Variants in KCNH1 observed in about 807,000 individuals in gnomAD.
KCNH1 encodes voltage-gated delayed rectifier potassium channel KCNH1.
KCNH1 carries 27 observed loss-of-function variants against 69.2 expected under a neutral mutation model. The observed-to-expected ratio is 0.39, with a 90% CI of 0.29 to 0.54. The LOEUF is 0.54. Among genes scored for constraint, KCNH1 ranks in the 20% least tolerant of loss-of-function variants. KCNH1 has a pLI of 0.68. For synonymous variants in KCNH1, 456 were observed against 487.7 expected, an observed-to-expected ratio of 0.93 and a Z score of 0.86; for missense variants, 798 against 1,261.6, an observed-to-expected ratio of 0.63 and a Z score of 5.57.
intron 7 of KCNH1, among the ~76,000 whole-genome samples, chr1:210,811,314 C>T (rs990858629): frequency 6.6e-6 from 1 of 152,144 alleles, no homozygotes; most frequent in East Asian, 1.9e-4. Context: ...TCCTTAGCTC[C>T]ACCTTCACCT....
At chr1:210,847,506 C>T (rs1279104583) in intron 7 of KCNH1, among the ~76,000 whole-genome samples, 6 of 149,438 alleles carry the variant, frequency 4.0e-5, no homozygotes, top group Non-Finnish European at 1.5e-5. Flanking sequence ...CGCATGTTCT[C>T]ACTCATAGGT....
chr1:210,917,251 G>GAA (rs1227695037), intron 7 of KCNH1, among the ~76,000 whole-genome samples: 11 of 142,944 alleles, frequency 7.7e-5, no homozygotes, highest in Non-Finnish European at 1.4e-4. Flanking sequence ...AAGAAAGAAA[G>GAA]AAAGAAAGAA....
At chr1:210,858,264 G>T (rs1327799098) in intron 7 of KCNH1, 1 of 152,040 alleles carries the variant, frequency 6.6e-6, no homozygotes, top group African/African-American at 2.4e-5. Flanking sequence ...GTAAGGTCTG[G>T]TATTTAAATA....
intron 10 of KCNH1, among the ~76,000 whole-genome samples, chr1:210,756,947 G>A (rs556396113): frequency 6.6e-6 from 1 of 152,306 alleles, no homozygotes; most frequent in Non-Finnish European, 1.5e-5. Flanking sequence ...CTCTTCCTAG[G>A]TTCTTACTGA....
intron 10 of KCNH1, among the ~76,000 whole-genome samples, chr1:210,752,213 G>C (rs1249467640): frequency 6.6e-6 from 1 of 152,182 alleles, no homozygotes; most frequent in African/African-American, 2.4e-5. Context: ...GAAGATTTTA[G>C]AACAAGAAAA....
At chr1:210,735,421 A>AGTGTGTGT (rs71146244) in intron 10 of KCNH1, among the ~76,000 whole-genome samples, 29 of 132,098 alleles carry the variant, frequency 2.2e-4, no homozygotes, top group African/African-American at 5.2e-4. Flanking sequence ...TGAGTGAGTG[A>AGTGTGTGT]GTGTGTGTGT....
chr1:210,975,570 C>T (rs987770303), intron 6 of KCNH1, among the ~76,000 whole-genome samples: 2 of 152,136 alleles, frequency 1.3e-5, no homozygotes, highest in African/African-American at 4.8e-5. Context: ...AAACTGGATC[C>T]CTTCCTTACA....
intron 10 of KCNH1, among the ~76,000 whole-genome samples, chr1:210,709,732 GAGAGAGAGAA>G (rs1477751001): frequency 7.5e-6 from 1 of 132,842 alleles, no homozygotes; most frequent in Non-Finnish European, 1.7e-5. Context: ...AAGAGAGAGA[GAGAGAGAGAA>G]AGAGAGAGAG....
chr1:210,755,790 T>G (rs1438130180), intron 10 of KCNH1, among the ~76,000 whole-genome samples: 1 of 152,198 alleles, frequency 6.6e-6, no homozygotes, highest in Non-Finnish European at 1.5e-5. Flanking sequence ...CCCACTTTCC[T>G]AGGGCAAAAG....
chr1:210,711,064 T>G (rs1682062666), intron 10 of KCNH1, among the ~76,000 whole-genome samples: 1 of 152,204 alleles, frequency 6.6e-6, no homozygotes, highest in Non-Finnish European at 1.5e-5. Context: ...GTGAACTGGC[T>G]CTCTGGCTCC....
chr1:211,087,227 G>A (rs776541366), intron 4 of KCNH1, among the ~76,000 whole-genome samples: 1 of 152,110 alleles, frequency 6.6e-6, no homozygotes, highest in Non-Finnish European at 1.5e-5. Flanking sequence ...CTGAAGTTTT[G>A]CATTCCTTTT....
chr1:210,900,024 T>C (rs1686960575), intron 7 of KCNH1, among the ~76,000 whole-genome samples: 2 of 152,194 alleles, frequency 1.3e-5, no homozygotes, highest in South Asian at 4.1e-4. Flanking sequence ...AGTAAATGAG[T>C]ATAATTCGTT....
chr1:211,093,485 T>C (rs1487622546), intron 3 of KCNH1, among the ~76,000 whole-genome samples: 9 of 152,104 alleles, frequency 5.9e-5, no homozygotes, highest in Admixed American at 5.9e-4. Context: ...GGTGTTTCAC[T>C]ATGTTGGCCA....
chr1:211,090,152 T>C lies in KCNH1; in HGVS notation c.439+410A>G, dbSNP rs908988889. Reference sequence around the variant, plus strand: ...GATGTGCTAAAGTCCGCTTTAACAATCTTGAAGTGCCAGAATTCAGTCAAA... The same window carrying C: ...GATGTGCTAAAGTCCGCTTTAACAACCTTGAAGTGCCAGAATTCAGTCAAA... On this transcript the variant is annotated intron_variant, in intron 4 of 10. Coordinates refer to ENST00000271751, the MANE Select transcript of KCNH1 (RefSeq NM_172362.3). Among the ~76,000 whole-genome samples, 23 of 152,348 alleles carry C rather than the reference T, an allele frequency of 1.5e-4. No individual in the cohort carries two copies. In the South Asian group the frequency reaches 4.1e-3, roughly 27 times the overall value.
At chr1:210,913,059 GT>G (rs1317221546) in intron 7 of KCNH1, among the ~76,000 whole-genome samples, 1 of 152,228 alleles carries the variant, frequency 6.6e-6, no homozygotes, top group Non-Finnish European at 1.5e-5. Context: ...AGTAACCAGA[GT>G]TTTCTGGAGG....
intron 10 of KCNH1, among the ~76,000 whole-genome samples, chr1:210,718,008 G>T (rs2149023210): frequency 6.6e-6 from 1 of 152,006 alleles, no homozygotes; most frequent in African/African-American, 2.4e-5. Context: ...TGGGGAGGCG[G>T]AGGCCCGGGA....
At chr1:210,789,820 T>G (rs536365184) in intron 9 of KCNH1, among the ~76,000 whole-genome samples, 1 of 152,388 alleles carries the variant, frequency 6.6e-6, no homozygotes, top group South Asian at 2.1e-4. Context: ...TTTTAAAAAT[T>G]GTATTTTACT....
intron 10 of KCNH1, among the ~76,000 whole-genome samples, chr1:210,728,117 C>T (rs1953951): frequency 0.44 from 66,597 of 152,048 alleles, 14,901 homozygotes; most frequent in African/African-American, 0.49. Flanking sequence ...AACCTACATT[C>T]TAAAATAGGC....
intron 5 of KCNH1, among the ~76,000 whole-genome samples, chr1:211,025,305 C>G (rs1689664632): frequency 6.6e-6 from 1 of 152,132 alleles, no homozygotes; most frequent in South Asian, 2.1e-4. Context: ...CCCCTGTTTC[C>G]CCTATGGTTG....
Sources: gnomAD v4.1 joint callset for allele counts (sites outside exome capture counted in the v4.1 genomes callset) on GRCh38, gnomAD v4.1.1 for gene constraint, MANE v1.5 for transcripts, NCBI Gene and HGNC (gene_info 2026-07-23, HGNC 2026-07-21) for gene names.